The following SANBR variants were observed in gnomAD, a reference collection of about 807,000 sequenced individuals.
The protein encoded by SANBR is SANT and BTB domain regulator of CSR, also known as SANT and BTB domain regulator of class switch recombination.
SANBR carries 77 observed loss-of-function variants against 101.8 expected under a neutral mutation model. The ratio of observed to expected loss-of-function variants is 0.76; its 90% CI spans 0.63 to 0.91. The LOEUF (loss-of-function observed/expected upper bound fraction) is 0.91. Among genes scored for constraint, SANBR ranks in the 40% least tolerant of loss-of-function variants. The pLI is 0.00. For synonymous variants in SANBR, 279 were observed against 274.7 expected (o/e 1.02, Z -0.15); for missense variants, 875 against 853.0 (o/e 1.03, Z -0.32).
At chr2:61,100,017 G>A (rs1010375652) in intron 12 of SANBR, among the ~76,000 whole-genome samples, 1 of 152,156 alleles carries the variant, frequency 6.6e-6, no homozygotes, top group Non-Finnish European at 1.5e-5. Flanking sequence ...AATGGGAACA[G>A]TATAAATGAC....
chr2:61,094,465 T>A (rs1682928321), intron 11 of SANBR, among the ~76,000 whole-genome samples: 1 of 152,178 alleles, frequency 6.6e-6, no homozygotes, highest in Non-Finnish European at 1.5e-5. Context: ...TGTTCTTTTT[T>A]ATGGCTAAGT....
intron 1 of SANBR, chr2:61,066,565 G>A (rs1383901660): frequency 6.6e-6 from 1 of 152,536 alleles, no homozygotes; most frequent in African/African-American, 2.4e-5. Context: ...CTGGGTACAA[G>A]GCTTCTTCCC....
At chr2:61,070,870 C>T (rs1042845526) in intron 3 of SANBR, among the ~76,000 whole-genome samples, 4 of 151,446 alleles carry the variant, frequency 2.6e-5, no homozygotes, top group Non-Finnish European at 5.9e-5. Context: ...ACCTTTGAAG[C>T]TTAAGTGATC....
downstream of SANBR, among the ~76,000 whole-genome samples, chr2:61,128,859 G>T (rs1684593917): frequency 6.6e-6 from 1 of 152,016 alleles, no homozygotes; most frequent in South Asian, 2.1e-4. Flanking sequence ...CTACTTGGGA[G>T]GCTTAGGTGG....
intron 21 of SANBR, among the ~76,000 whole-genome samples, chr2:61,135,093 A>G (rs1287122979): frequency 6.6e-6 from 1 of 152,188 alleles, no homozygotes; most frequent in Admixed American, 6.5e-5. Flanking sequence ...AGGAAGCTGA[A>G]GCACGAAAAT....
Position 61,123,136 on chromosome 2 carries a change from A to G in SANBR, c.*974A>G, listed in dbSNP as rs1684399098. Reference sequence around the variant, plus strand: ...TGTTTAAATTTTTCTAGCCAGGCAGAAAGAGTGCTCAGGGAAAATTTGTTC... The same window carrying G: ...TGTTTAAATTTTTCTAGCCAGGCAGGAAGAGTGCTCAGGGAAAATTTGTTC... On this transcript the variant is annotated 3_prime_UTR_variant, in exon 22 of 22. Transcript: ENST00000402291. The G allele has an allele frequency of 5.1e-6, 5 of 980,288 alleles. No individual in the cohort carries two copies. The highest frequency in any genetic ancestry group is 6.1e-6 in the Non-Finnish European group (5 of 825,118). The allele number at this position is 980,288 out of a possible 1,614,324, so 60.7% of individuals were successfully genotyped here. A position where few individuals can be genotyped will look rare whatever the true frequency, so the allele number is the denominator to read the frequency against.
intron 21 of SANBR, chr2:61,134,410 T>A (rs1684783992): frequency 1.2e-6 from 1 of 850,242 alleles, no homozygotes; most frequent in Non-Finnish European, 1.8e-6. Context: ...TTTTGTTTGC[T>A]GCCTATTGAA....
intron 3 of SANBR, 69 bp downstream of exon 3, chr2:61,070,569 CAAGA>C: frequency 7.2e-7 from 1 of 1,398,214 alleles, no homozygotes; most frequent in Non-Finnish European, 9.8e-7. Flanking sequence ...AAAGAAACAC[CAAGA>C]GAGAGAAAAA....
intron 11 of SANBR, among the ~76,000 whole-genome samples, chr2:61,093,572 G>A (rs1012020034): frequency 6.6e-6 from 1 of 151,996 alleles, no homozygotes; most frequent in African/African-American, 2.4e-5. Flanking sequence ...TCCAGTCTGG[G>A]AAAGGAGGGA....
At chr2:61,118,219 A>G in intron 20 of SANBR, 103 bp downstream of exon 20, 1 of 744,086 alleles carries the variant, frequency 1.3e-6, no homozygotes, top group Non-Finnish European at 2.2e-6. Context: ...ATTTTAAAAG[A>G]GTAATTTATG....
rs745464773 is a variant in SANBR, at chr2:61,136,992, G to GATA, written c.*45-451_*45-449dup. 1.7e-3 allele frequency among the ~76,000 whole-genome samples: 254 copies of GATA among 149,212 alleles called. 1 individual carries two copies. The highest frequency in any genetic ancestry group is 3.3e-3 in the African/African-American group (135 of 40,500). On this transcript the variant is annotated intron_variant, in intron 21 of 21. Transcript: ENST00000295031. ...CCAAAACAACAACAACAACAACAACGATAATAATAATAATAATAATAATGA... is the reference window on the plus strand; with the variant it reads ...CCAAAACAACAACAACAACAACAACGATAATAATAATAATAATAATAATAATGA...
At chr2:61,078,620 C>T (rs1681918985) in intron 6 of SANBR, among the ~76,000 whole-genome samples, 2 of 150,326 alleles carry the variant, frequency 1.3e-5, no homozygotes, top group Non-Finnish European at 3.0e-5. Flanking sequence ...CAGGGTTTTG[C>T]CTTGTTTGTC....
intron 8 of SANBR, among the ~76,000 whole-genome samples, 161 bp downstream of exon 8, chr2:61,083,475 CA>C (rs1164147707): frequency 6.6e-6 from 1 of 151,586 alleles, no homozygotes; most frequent in African/African-American, 2.4e-5. Context: ...TGGCTCACTG[CA>C]GCCTCAACCT....
chr2:61,069,163 A>G (rs1681328945), intron 2 of SANBR, among the ~76,000 whole-genome samples, 178 bp downstream of exon 2: 1 of 152,232 alleles, frequency 6.6e-6, no homozygotes, highest in South Asian at 2.1e-4. Flanking sequence ...ATTAACATTT[A>G]TTGAGAGCGT....
At chr2:61,087,022 G>A (rs561454479) in intron 8 of SANBR, among the ~76,000 whole-genome samples, 9 of 152,260 alleles carry the variant, frequency 5.9e-5, no homozygotes, top group Admixed American at 5.2e-4. Context: ...CTCAAGTTCA[G>A]TTATATTATG....
chr2:61,104,923 G>A (rs1683482169), intron 13 of SANBR, among the ~76,000 whole-genome samples: 1 of 148,730 alleles, frequency 6.7e-6, no homozygotes, highest in South Asian at 2.1e-4. Context: ...CCAATTGATT[G>A]TATCAATCAA....
intron 16 of SANBR, among the ~76,000 whole-genome samples, chr2:61,114,024 A>G (rs547365178): frequency 5.9e-5 from 9 of 152,238 alleles, no homozygotes; most frequent in African/African-American, 1.9e-4. Flanking sequence ...TATTGTATCA[A>G]TTAGGTACAT....
intron 5 of SANBR, among the ~76,000 whole-genome samples, chr2:61,074,436 T>C (rs1681649467): frequency 1.3e-5 from 2 of 152,212 alleles, no homozygotes; most frequent in Admixed American, 1.3e-4. Context: ...TGAGACAAAG[T>C]CTCACGCTGT....
Position 61,122,978 on chromosome 2 carries a change from C to T in SANBR, c.*816C>T. On this transcript the variant is annotated 3_prime_UTR_variant, in exon 22 of 22. Coordinates refer to ENST00000402291, the MANE Select transcript of SANBR (RefSeq NM_001129993.3). ...AGGGCTCTAAAACCCAACCATATTT[C>T]TGTAACCATTCAAATAACTCCTTAA... is the stretch of plus-strand genomic sequence containing the variant. 1.0e-6 allele frequency: 1 copy of T among 984,452 alleles called. No individual in the cohort carries two copies. The allele number at this position is 984,452 out of a possible 1,614,324, so 61.0% of individuals were successfully genotyped here.
Sources: allele counts gnomAD v4.1 joint callset (sites outside exome capture counted in the v4.1 genomes callset), GRCh38; gene constraint gnomAD v4.1.1; transcripts MANE v1.5; gene names NCBI Gene and HGNC (gene_info 2026-07-23, HGNC 2026-07-21).